The following IRGM variants were observed in gnomAD, a reference collection of about 807,000 sequenced individuals.
IRGM encodes immunity-related GTPase family M protein.
For synonymous variants in IRGM, 98 were observed against 80.6 expected, an observed-to-expected ratio of 1.22 and a Z score of -1.16; for missense variants, 288 against 219.9, an observed-to-expected ratio of 1.31 and a Z score of -1.96.
chr5:150,862,011 T>G (rs1011598395), intron 1 of IRGM, among the ~76,000 whole-genome samples: 2 of 152,362 alleles, frequency 1.3e-5, no homozygotes, highest in Middle Eastern at 3.4e-3. Flanking sequence ...AGTCTTTTGA[T>G]TCAATGTCTC....
chr5:150,898,209 T>C (rs558562861), intron 3 of IRGM: 29 of 1,611,916 alleles, frequency 1.8e-5, no homozygotes, highest in South Asian at 5.5e-5. Context: ...TCACAGAGAA[T>C]TGAGATTGAC....
intron 1 of IRGM, among the ~76,000 whole-genome samples, chr5:150,856,564 T>G (rs1754052946): frequency 6.6e-6 from 1 of 152,114 alleles, no homozygotes; most frequent in South Asian, 2.1e-4. Flanking sequence ...TGGTAATATT[T>G]TTTTCAATAT....
At chr5:150,877,657 G>A (rs1438426788) in intron 1 of IRGM, among the ~76,000 whole-genome samples, 1 of 152,048 alleles carries the variant, frequency 6.6e-6, no homozygotes, top group Non-Finnish European at 1.5e-5. Flanking sequence ...ACACAGAGAG[G>A]GTAAGTAGCC....
Position 150,888,931 on chromosome 5 carries a change from A to G in IRGM, c.*140+9285A>G, listed in dbSNP as rs533615181. Among the ~76,000 whole-genome samples, 16 of 152,112 alleles carry G rather than the reference A, an allele frequency of 1.1e-4. No individual in the cohort carries two copies. The South Asian group carries it at 3.1e-3, about 30-fold the overall frequency. ...ACCAATAAACTAGATCTATTTCTCT[A>G]TTTTGGTCCTTCTAAATTTCTTTCA... On this transcript the variant is annotated intron_variant and NMD_transcript_variant, in intron 3 of 3. Transcript: ENST00000520549.
chr5:150,866,004 G>T (rs1393681592), intron 1 of IRGM, among the ~76,000 whole-genome samples: 1 of 152,114 alleles, frequency 6.6e-6, no homozygotes, highest in Admixed American at 6.5e-5. Flanking sequence ...TGATCCACCC[G>T]CCTTGGCCTC....
At chr5:150,852,964 TTTG>T, downstream of IRGM, among the ~76,000 whole-genome samples, 1 of 152,136 alleles carries the variant, frequency 6.6e-6, no homozygotes, top group Non-Finnish European at 1.5e-5. Context: ...GCTCATATCT[TTTG>T]TTATTTTATT....
downstream of IRGM, among the ~76,000 whole-genome samples, chr5:150,849,052 C>T (rs141678454): frequency 5.7e-3 from 866 of 151,952 alleles, 9 homozygotes; most frequent in African/African-American, 0.02. Flanking sequence ...ACGGTATAAC[C>T]TCAAGGCAAG....
chr5:150,848,021 T>A lies in IRGM; in HGVS notation c.-103T>A. On this transcript the variant is annotated 5_prime_UTR_variant, in exon 2 of 2. Coordinates refer to ENST00000522154, the MANE Select transcript of IRGM (RefSeq NM_001145805.2). ...TTTCACGATGTTGGCCAGGATGGTC[T>A]CAATCTCCTGACCTCGTGATCTGCT... 1.1e-6 allele frequency: 1 copy of A among 882,108 alleles called. No individual in the cohort carries two copies. 54.6% of individuals were successfully genotyped at this position (882,108 alleles called of 1,614,324 possible). A position where few individuals can be genotyped will look rare whatever the true frequency, so the allele number is the denominator to read the frequency against.
intron 3 of IRGM, among the ~76,000 whole-genome samples, chr5:150,879,899 G>T (rs928178665): frequency 1.3e-5 from 2 of 152,116 alleles, no homozygotes; most frequent in African/African-American, 4.8e-5. Context: ...TAAGACTAAG[G>T]TGTGTCTTAA....
intron 1 of IRGM, among the ~76,000 whole-genome samples, chr5:150,874,261 C>A (rs11950889): frequency 0.24 from 36,993 of 152,042 alleles, 6,408 homozygotes; most frequent in East Asian, 0.61. Flanking sequence ...TTTCCCTTCC[C>A]CAAGATATCA....
intron 1 of IRGM, among the ~76,000 whole-genome samples, chr5:150,877,456 G>C (rs978187637): frequency 3.3e-5 from 5 of 152,108 alleles, no homozygotes; most frequent in Non-Finnish European, 7.4e-5. Context: ...CTTCAGCTTT[G>C]GTATTCAGAC....
At chr5:150,898,448 T>C in intron 3 of IRGM, 10 of 1,613,480 alleles carry the variant, frequency 6.2e-6, no homozygotes, top group Non-Finnish European at 8.5e-6. Context: ...CAGGTGGCTG[T>C]AGTTCTCCAG....
chr5:150,859,868 C>A (rs905209024), intron 1 of IRGM, among the ~76,000 whole-genome samples: 9 of 151,780 alleles, frequency 5.9e-5, no homozygotes, highest in Non-Finnish European at 1.3e-4. Context: ...TTGATCTTTT[C>A]AAAAAAATGG....
chr5:150,865,849 T>C (rs1754200394), intron 1 of IRGM, among the ~76,000 whole-genome samples: 1 of 152,102 alleles, frequency 6.6e-6, no homozygotes, highest in Non-Finnish European at 1.5e-5. Context: ...CTCTGCCTCC[T>C]GGGTTCCAGC....
chr5:150,866,388 C>A (rs946632042), intron 1 of IRGM, among the ~76,000 whole-genome samples: 1 of 152,162 alleles, frequency 6.6e-6, no homozygotes, highest in Non-Finnish European at 1.5e-5. Flanking sequence ...TACTCTAATT[C>A]CAGATGGAAT....
At chr5:150,852,822 T>C (rs1433719894), downstream of IRGM, among the ~76,000 whole-genome samples, 1 of 152,138 alleles carries the variant, frequency 6.6e-6, no homozygotes, top group African/African-American at 2.4e-5. Flanking sequence ...AGTTTGTCTA[T>C]AATAATATCT....
chr5:150,896,627 A>C (rs778019356), intron 3 of IRGM: 16 of 1,613,544 alleles, frequency 9.9e-6, no homozygotes, highest in Non-Finnish European at 1.4e-5. Context: ...AATTGCTCTT[A>C]TAACAACTCG....
At chr5:150,896,546 A>C in intron 3 of IRGM, 1 of 1,613,736 alleles carries the variant, frequency 6.2e-7, no homozygotes. Context: ...GAATCTTCTC[A>C]AGATTAGAAT....
At chr5:150,898,262 C>T in intron 3 of IRGM, 1 of 1,598,478 alleles carries the variant, frequency 6.3e-7, no homozygotes, top group East Asian at 2.2e-5. Context: ...AGATGGTCTA[C>T]AATAAAGCTG....
Sources: gnomAD v4.1 joint callset for allele counts (sites outside exome capture counted in the v4.1 genomes callset) on GRCh38, gnomAD v4.1.1 for gene constraint, MANE v1.5 for transcripts, NCBI Gene and HGNC (gene_info 2026-07-23, HGNC 2026-07-21) for gene names.